Variants in KAT6B observed in about 807,000 individuals in gnomAD.
The protein encoded by KAT6B is lysine acetyltransferase 6B.
Under a neutral mutation model 187.5 loss-of-function variants are expected in KAT6B, and 10 were observed. That is an observed-to-expected ratio of 0.05 (90% CI 0.03 to 0.09). The LOEUF (loss-of-function observed/expected upper bound fraction) is 0.09, where lower values mean the gene tolerates loss of function less well. Ranked by LOEUF, KAT6B falls within the 10% of genes least tolerant of loss-of-function variation. The pLI is 1.00. For synonymous variants in KAT6B, 861 were observed against 926.8 expected (o/e 0.93, Z 1.29); for missense variants, 1,952 against 2,558.9 (o/e 0.76, Z 5.12).
chr10:74,979,622 G>A (rs1842381894), intron 10 of KAT6B, among the ~76,000 whole-genome samples: 1 of 147,312 alleles, frequency 6.8e-6, no homozygotes. Flanking sequence ...TGTTGGTTTT[G>A]TATGAAACCA....
At chr10:74,974,885 TA>T (rs200791338) in intron 7 of KAT6B, among the ~76,000 whole-genome samples, 2,078 of 152,108 alleles carry the variant, frequency 0.014, 47 homozygotes, top group African/African-American at 0.047. Flanking sequence ...TATGTTTTCT[TA>T]AAAAAAAGTA....
intron 3 of KAT6B, among the ~76,000 whole-genome samples, chr10:74,932,600 T>C (rs1374328982): frequency 6.6e-6 from 1 of 152,194 alleles, no homozygotes; most frequent in Non-Finnish European, 1.5e-5. Flanking sequence ...AGATTTCTGC[T>C]AAATGGGAAG....
At chr10:74,911,000 G>A (rs1847164065) in intron 3 of KAT6B, among the ~76,000 whole-genome samples, 1 of 152,176 alleles carries the variant, frequency 6.6e-6, no homozygotes, top group South Asian at 2.1e-4. Context: ...TTTAAAAAAT[G>A]TATTTTGAGA....
rs758923125 is a variant in KAT6B, at chr10:75,030,308, T to C, written c.5484T>C (p.Ile1828=). 1.9e-6 allele frequency: 3 copies of C among 1,614,266 alleles called. No homozygotes were observed. The South Asian group carries it at 3.3e-5, about 18-fold the overall frequency. ...TGCAGCAGTTAACTAATACACTTAT[T>C]GATCATTCATTGCCTTACAGCCATT... ...AKLQQLTNTL[I]DHSLPYSHSA... Residue 1828 remains isoleucine (I), a synonymous_variant, in exon 18 of 18, where the codon ATT becomes ATC. Transcript: ENST00000287239. This position sits in a 1 kb window ranked among gnomAD's most constrained non-coding sequence, Gnocchi z 4.8.
At position 74,961,016 on chromosome 10, in the gene KAT6B, G is replaced by A. The variant is rs571390339; in HGVS notation, c.730+938G>A. ...CTTATATGAAGGTTTAACGTGATAG[G>A]CCCTTTGTGGTTCAGCAGCTTTCAG... On this transcript the variant is annotated intron_variant, in intron 4 of 17. Coordinates refer to ENST00000287239, the MANE Select transcript of KAT6B (RefSeq NM_012330.4). Among the ~76,000 whole-genome samples the A allele has an allele frequency of 2.0e-5, 3 of 152,270 alleles. 1 individual carries two copies. The highest frequency in any genetic ancestry group is 7.2e-5 in the African/African-American group (3 of 41,558).
chr10:74,977,113 A>C (rs1370898857), intron 8 of KAT6B: 3 of 481,720 alleles, frequency 6.2e-6, no homozygotes, highest in African/African-American at 2.0e-5. Flanking sequence ...TGACAGTGAT[A>C]AATTCAAATA....
At chr10:74,851,665 G>C in intron 3 of KAT6B, among the ~76,000 whole-genome samples, 1 of 152,178 alleles carries the variant, frequency 6.6e-6, no homozygotes, top group Non-Finnish European at 1.5e-5. Context: ...CAGATGATCA[G>C]AAATGGGGTT....
At chr10:74,926,522 A>G (rs1589637596) in intron 3 of KAT6B, among the ~76,000 whole-genome samples, 1 of 152,250 alleles carries the variant, frequency 6.6e-6, no homozygotes, top group Non-Finnish European at 1.5e-5. Flanking sequence ...AATGCAGATC[A>G]CTTATTTTAT....
At chr10:74,954,443 A>G (rs1840531702) in intron 3 of KAT6B, among the ~76,000 whole-genome samples, 1 of 152,174 alleles carries the variant, frequency 6.6e-6, no homozygotes, top group Admixed American at 6.5e-5. Flanking sequence ...TGCCATTTGA[A>G]CCACAATTAA....
At chr10:74,930,532 G>T (rs939764994) in intron 3 of KAT6B, among the ~76,000 whole-genome samples, 2 of 152,148 alleles carry the variant, frequency 1.3e-5, no homozygotes, top group African/African-American at 4.8e-5. Context: ...CTGTATGCAG[G>T]TAGTTTTTTG....
At chr10:74,830,186 T>TA (rs1411647488) in intron 1 of KAT6B, among the ~76,000 whole-genome samples, 4 of 152,166 alleles carry the variant, frequency 2.6e-5, no homozygotes, top group African/African-American at 9.7e-5. Context: ...AAAGCACCTT[T>TA]AAGCATCTTT....
intron 3 of KAT6B, among the ~76,000 whole-genome samples, chr10:74,892,808 C>A (rs1045148378): frequency 6.6e-6 from 1 of 152,118 alleles, no homozygotes; most frequent in African/African-American, 2.4e-5. Context: ...AGAAAGCGTT[C>A]TTGAGTGAGT....
At chr10:74,929,793 C>T (rs1423395909) in intron 3 of KAT6B, among the ~76,000 whole-genome samples, 1 of 152,054 alleles carries the variant, frequency 6.6e-6, no homozygotes, top group Non-Finnish European at 1.5e-5. Context: ...GGAAAGTGAG[C>T]ACAAGTAGGT....
At chr10:75,007,651 G>A (rs184415900) in intron 13 of KAT6B, among the ~76,000 whole-genome samples, 2 of 152,192 alleles carry the variant, frequency 1.3e-5, no homozygotes, top group Non-Finnish European at 2.9e-5. Context: ...GATCCTGGGT[G>A]ATAGTTACAA....
intron 1 of KAT6B, among the ~76,000 whole-genome samples, chr10:74,836,359 T>C (rs1434992834): frequency 2.0e-5 from 3 of 152,326 alleles, no homozygotes; most frequent in East Asian, 1.9e-4. Flanking sequence ...AACCATATGG[T>C]AATTCTGTGT....
intron 3 of KAT6B, among the ~76,000 whole-genome samples, chr10:74,918,326 A>G (rs113414787): frequency 2.0e-5 from 3 of 152,212 alleles, no homozygotes; most frequent in Non-Finnish European, 4.4e-5. Context: ...CCTAGTTGCA[A>G]TATGTTTGAA....
chr10:75,011,754 G>A (rs531292850), intron 13 of KAT6B, among the ~76,000 whole-genome samples: 32 of 152,206 alleles, frequency 2.1e-4, no homozygotes, highest in African/African-American at 6.5e-4. Flanking sequence ...CCAGGAACTC[G>A]GTTGTGGTGA....
At chr10:74,840,125 T>C (rs545258211) in intron 2 of KAT6B, among the ~76,000 whole-genome samples, 1 of 152,348 alleles carries the variant, frequency 6.6e-6, no homozygotes, top group East Asian at 1.9e-4. Context: ...GGATTTTTAG[T>C]TGGACTGCAT....
At chr10:74,879,566 A>G (rs1201607781) in intron 3 of KAT6B, among the ~76,000 whole-genome samples, 1 of 152,166 alleles carries the variant, frequency 6.6e-6, no homozygotes, top group Non-Finnish European at 1.5e-5. Flanking sequence ...TAGGGCTACT[A>G]TATTACCCAA....
Sources: allele counts gnomAD v4.1 joint callset (sites outside exome capture counted in the v4.1 genomes callset), GRCh38; gene constraint gnomAD v4.1.1; non-coding constraint Gnocchi (gnomAD v3.1); transcripts MANE v1.5; gene names NCBI Gene and HGNC (gene_info 2026-07-23, HGNC 2026-07-21).